POU2F2: variants seen among roughly 807,000 people sequenced by gnomAD.
POU2F2 encodes POU domain, class 2, transcription factor 2.
Under a neutral mutation model 63.5 loss-of-function variants are expected in POU2F2, and 14 were observed. The ratio of observed to expected loss-of-function variants is 0.22; its 90% CI spans 0.15 to 0.34. POU2F2 has a LOEUF of 0.34. Ranked by LOEUF, POU2F2 falls within the 10% of genes least tolerant of loss-of-function variation. POU2F2 has a pLI of 1.00. For synonymous variants in POU2F2, 306 were observed against 348.6 expected (o/e 0.88, Z 1.36); for missense variants, 607 against 815.2 (o/e 0.74, Z 3.11).
chr19:42,165,698 A>G (rs961356650), intron 1 of POU2F2, among the ~76,000 whole-genome samples: 3 of 152,314 alleles, frequency 2.0e-5, no homozygotes, highest in Admixed American at 6.5e-5. Context: ...GAAGATAATA[A>G]TAACAGCTGC....
chr19:42,143,789 A>G (rs1448783996), intron 2 of POU2F2, among the ~76,000 whole-genome samples: 1 of 151,892 alleles, frequency 6.6e-6, no homozygotes, highest in Non-Finnish European at 1.5e-5. Flanking sequence ...GTCCTTCCCC[A>G]GGTGTTCCTA....
In POU2F2 at chr19:42,091,515, T is replaced by C. The variant is rs1376143326; in HGVS notation, c.1617A>G (p.Ala539=). 1 of 1,546,138 alleles carries C rather than the reference T, an allele frequency of 6.5e-7. No homozygotes were observed. Among genetic ancestry groups the C allele is most frequent in the Admixed American group, 2.0e-5 (1 of 50,740 alleles). ...SGNLVLGAAG[A]APGSPGLVTS... is the part of the protein sequence containing the mutation. ...TCACCAGGCCAGGGCTCCCCGGGGCTGCACCGGCTGCCCCCAGCACCAGAT... is the reference window on the plus strand; with the variant it reads ...TCACCAGGCCAGGGCTCCCCGGGGCCGCACCGGCTGCCCCCAGCACCAGAT... The change falls in exon 15 of 15, where the codon GCA becomes GCG. Residue 539 remains alanine (A), a synonymous_variant. Transcript: ENST00000692977.
chr19:42,140,251 C>T (rs367609212), intron 2 of POU2F2, among the ~76,000 whole-genome samples: 1 of 152,314 alleles, frequency 6.6e-6, no homozygotes, highest in East Asian at 1.9e-4. Context: ...AGCCCACATG[C>T]GCACTTCCTG....
At chr19:42,178,784 A>G (rs1439296170), upstream of POU2F2, among the ~76,000 whole-genome samples, 1 of 152,184 alleles carries the variant, frequency 6.6e-6, no homozygotes, top group Admixed American at 6.5e-5. Context: ...AGAAATGTGC[A>G]AAGAGAGAAA....
At chr19:42,119,380 T>A (rs1273821868) in intron 4 of POU2F2, among the ~76,000 whole-genome samples, 1 of 152,128 alleles carries the variant, frequency 6.6e-6, no homozygotes, top group African/African-American at 2.4e-5. Context: ...AATACAAAGT[T>A]TTTTTAAAAA....
At chr19:42,149,776 C>T (rs567170988) in intron 2 of POU2F2, among the ~76,000 whole-genome samples, 1 of 152,288 alleles carries the variant, frequency 6.6e-6, no homozygotes, top group African/African-American at 2.4e-5. Flanking sequence ...CTTCCCAACA[C>T]CCTCTCCCCT....
Position 42,097,306 on chromosome 19 carries a change from T to C in POU2F2, c.568-1063A>G, listed in dbSNP as rs546059459. ...TCTGCCTCCTGGGTTCAAGTGATAC[T>C]CCTGCCTCAGCCTCCCGAGTAGCTG... is the stretch of plus-strand genomic sequence containing the variant. On this transcript the variant is annotated intron_variant, in intron 7 of 14. Transcript: ENST00000692977. 8.7e-5 allele frequency among the ~76,000 whole-genome samples: 13 copies of C among 149,672 alleles called. No individual in the cohort carries two copies. The South Asian group carries it at 2.4e-3, about 28-fold the overall frequency.
Position 42,087,140 on chromosome 19 carries a change from T to G in POU2F2, c.*4117A>C, listed in dbSNP as rs2076575875. On this transcript the variant is annotated 3_prime_UTR_variant, in exon 15 of 15. Coordinates refer to ENST00000692977, the MANE Select transcript of POU2F2 (RefSeq NM_001394376.1). Reference sequence around the variant, plus strand: ...AAAGGTAGCGGAGTTGTCTGTGGGTTTTTTTTTTTTTTTAAATGGTTAAAT... The same window carrying G: ...AAAGGTAGCGGAGTTGTCTGTGGGTGTTTTTTTTTTTTTAAATGGTTAAAT... 1.4e-5 allele frequency: 2 copies of G among 141,174 alleles called. No homozygotes were observed. Among genetic ancestry groups the G allele is most frequent in the African/African-American group, 5.6e-5 (2 of 35,490 alleles). 8.7% of individuals were successfully genotyped at this position (141,174 alleles called of 1,614,324 possible).
chr19:42,135,625 C>T (rs1181797361), upstream of POU2F2, among the ~76,000 whole-genome samples: 2 of 152,018 alleles, frequency 1.3e-5, no homozygotes, highest in African/African-American at 2.4e-5. Context: ...TGCCCACTTT[C>T]CTGGCTTCTA....
chr19:42,172,999 G>T (rs1035968511), intron 1 of POU2F2, among the ~76,000 whole-genome samples: 3 of 152,212 alleles, frequency 2.0e-5, no homozygotes, highest in Non-Finnish European at 4.4e-5. Context: ...CTGACAGGCT[G>T]AGCAAATGAT....
intron 2 of POU2F2, among the ~76,000 whole-genome samples, chr19:42,146,058 A>G (rs990277586): frequency 1.7e-4 from 26 of 152,016 alleles, no homozygotes; most frequent in South Asian, 6.2e-4. Flanking sequence ...AAAAAGAAAA[A>G]AAAGAGTTCT....
At chr19:42,142,955 GT>G (rs1331831656) in intron 2 of POU2F2, among the ~76,000 whole-genome samples, 1 of 152,172 alleles carries the variant, frequency 6.6e-6, no homozygotes, top group Non-Finnish European at 1.5e-5. Flanking sequence ...GAGAATTGTA[GT>G]TACCTCCAGC....
rs35712190 is a variant in POU2F2 at position 42,117,815 on chromosome 19, G to GAA, written c.187-385_187-384dup. ...GCCAACATGGTGAAACCCCATTTCT[G>GAA]AAAAAAAAAAAGGAAAATACTCCCA... On this transcript the variant is annotated intron_variant, in intron 4 of 14. Coordinates refer to ENST00000692977, the MANE Select transcript of POU2F2 (RefSeq NM_001394376.1). The surrounding 1 kb of genome is among the most constrained non-coding windows in gnomAD (Gnocchi z 4.4). 4.9e-5 allele frequency among the ~76,000 whole-genome samples: 7 copies of GAA among 142,110 alleles called. No individual in the cohort carries two copies. Among genetic ancestry groups the GAA allele is most frequent in the Non-Finnish European group, 9.3e-5 (6 of 64,842 alleles). 93.2% of individuals were successfully genotyped at this position (142,110 alleles called of 152,430 possible). A position where few individuals can be genotyped will look rare whatever the true frequency, so the allele number is the denominator to read the frequency against.
At chr19:42,124,385 A>AG (rs2032993360) in intron 1 of POU2F2, among the ~76,000 whole-genome samples, 1 of 152,062 alleles carries the variant, frequency 6.6e-6, no homozygotes, top group Admixed American at 6.5e-5. Context: ...ACTGTAAAAA[A>AG]AAAAAAAAGT....
chr19:42,158,742 T>C (rs946818920), intron 2 of POU2F2, among the ~76,000 whole-genome samples: 1 of 152,214 alleles, frequency 6.6e-6, no homozygotes, highest in Non-Finnish European at 1.5e-5. Flanking sequence ...ATTGAAATCA[T>C]AGACCTAACA....
rs1191874554 is a variant in POU2F2, at chr19:42,152,442, CCTCT to C, written c.-9+7886_-9+7889del. ...CCCCAAACCTCCCCTCCCTTCTCTC[CCTCT>C]CTCTTTCTCGGCTGGCTATCGACCG... On this transcript the variant is annotated intron_variant, in intron 2 of 6. Transcript: ENST00000524801. The surrounding 1 kb of genome is among the most constrained non-coding windows in gnomAD (Gnocchi z 4.1). 1.3e-5 allele frequency: 2 copies of C among 152,396 alleles called. No homozygotes were observed. Among genetic ancestry groups the C allele is most frequent in the African/African-American group, 2.4e-5 (1 of 41,404 alleles). 9.4% of individuals were successfully genotyped at this position (152,396 alleles called of 1,614,324 possible). A position where few individuals can be genotyped will look rare whatever the true frequency, so the allele number is the denominator to read the frequency against.
intron 14 of POU2F2, 99 bp from the exon 15 acceptor site, chr19:42,091,690 G>A (rs1216014621): frequency 9.7e-6 from 15 of 1,551,096 alleles, no homozygotes; most frequent in South Asian, 7.1e-5. Flanking sequence ...TCTCCCCATC[G>A]GTCCCACTGA....
chr19:42,115,430 A>G (rs1233101606), intron 5 of POU2F2, among the ~76,000 whole-genome samples: 1 of 152,170 alleles, frequency 6.6e-6, no homozygotes. Context: ...GAGTGAGAGA[A>G]AAGCCTTTTG....
intron 1 of POU2F2, among the ~76,000 whole-genome samples, chr19:42,173,559 G>GAAA (rs76675837): frequency 8.6e-6 from 1 of 116,852 alleles, no homozygotes; most frequent in Non-Finnish European, 1.8e-5. Flanking sequence ...GGACTTGCTA[G>GAAA]AAAAAAAAAA....
Sources: gnomAD v4.1 joint callset for allele counts (sites outside exome capture counted in the v4.1 genomes callset) on GRCh38, gnomAD v4.1.1 for gene constraint, Gnocchi (gnomAD v3.1) non-coding constraint, MANE v1.5 for transcripts, NCBI Gene and HGNC (gene_info 2026-07-23, HGNC 2026-07-21) for gene names.